Variants in FRS2 observed in about 807,000 individuals in gnomAD.
FRS2 encodes the protein fibroblast growth factor receptor substrate 2.
Under a neutral mutation model 43.9 loss-of-function variants are expected in FRS2, and 8 were observed. That is an observed-to-expected ratio of 0.18 (90% CI 0.11 to 0.33). FRS2 has a LOEUF of 0.33. FRS2 is among the 10% of genes least tolerant of loss of function. FRS2 has a pLI of 1.00. For missense variants in FRS2, 534 were observed against 627.6 expected, an observed-to-expected ratio of 0.85 and a Z score of 1.59; for synonymous variants, 219 against 220.3, an observed-to-expected ratio of 0.99 and a Z score of 0.05.
At position 69,531,175 on chromosome 12, in the gene FRS2, T is replaced by C. The variant is rs562945098; in HGVS notation, c.-165+215T>C. 5.3e-5 allele frequency among the ~76,000 whole-genome samples: 8 copies of C among 152,024 alleles called. No homozygotes were observed. The East Asian group carries it at 1.6e-3, about 30-fold the overall frequency. Reference sequence around the variant, plus strand: ...TGAAACCCTGTCTCTGCTAAAAATATAAAAATTAGCCAGGGATGTTGGCAC... The same window carrying C: ...TGAAACCCTGTCTCTGCTAAAAATACAAAAATTAGCCAGGGATGTTGGCAC... On this transcript the variant is annotated intron_variant, in intron 2 of 8. Coordinates refer to ENST00000549921, the MANE Select transcript of FRS2 (RefSeq NM_001278356.2).
At chr12:69,537,159 C>A (rs1008062438) in intron 3 of FRS2, among the ~76,000 whole-genome samples, 5 of 152,166 alleles carry the variant, frequency 3.3e-5, no homozygotes, top group Admixed American at 2.0e-4. Flanking sequence ...GTCCTCCTCC[C>A]AACCTGTAAC....
At chr12:69,486,505 G>T (rs1871963737) in intron 1 of FRS2, among the ~76,000 whole-genome samples, 1 of 152,036 alleles carries the variant, frequency 6.6e-6, no homozygotes, top group Admixed American at 6.6e-5. Context: ...TATTTCCTGA[G>T]ACCCTAAATA....
chr12:69,518,140 T>C (rs1416782794), intron 1 of FRS2, among the ~76,000 whole-genome samples: 1 of 152,256 alleles, frequency 6.6e-6, no homozygotes, highest in East Asian at 1.9e-4. Flanking sequence ...GTATAGCTTG[T>C]CTTGAGTGCT....
At chr12:69,505,255 C>G (rs1044725452) in intron 1 of FRS2, among the ~76,000 whole-genome samples, 1 of 152,132 alleles carries the variant, frequency 6.6e-6, no homozygotes, top group Non-Finnish European at 1.5e-5. Context: ...TGTGAACTTT[C>G]TTTTGTAGTA....
Position 69,574,564 on chromosome 12 carries a change from T to C in FRS2, c.1136T>C (p.Leu379Pro). 1 of 1,614,136 alleles carries C rather than the reference T, an allele frequency of 6.2e-7. No individual in the cohort carries two copies. The highest frequency in any genetic ancestry group is 8.5e-7 in the Non-Finnish European group (1 of 1,180,004). The change falls in exon 9 of 9, where the codon CTA (leucine) becomes CCA (proline). Residue 379 changes from leucine (L) to proline (P), a missense_variant. Leu to Pro is a moderately conservative substitution (Grantham distance 98). Coordinates refer to ENST00000549921, the MANE Select transcript of FRS2 (RefSeq NM_001278356.2). The part of the protein sequence containing the change: ...DDNLGPKTPS[L>P]NGYHNNLDPM... Reference sequence around the variant, plus strand: ...AATTTAGGACCAAAGACCCCATCTCTAAATGGCTACCATAATAATCTAGAT... The same window carrying C: ...AATTTAGGACCAAAGACCCCATCTCCAAATGGCTACCATAATAATCTAGAT...
At chr12:69,515,704 C>T (rs1874934290) in intron 1 of FRS2, among the ~76,000 whole-genome samples, 1 of 151,728 alleles carries the variant, frequency 6.6e-6, no homozygotes, top group South Asian at 2.1e-4. Flanking sequence ...TCTTTTGTTC[C>T]CTCTAATGGT....
chr12:69,545,049 T>A (rs1379814358), intron 3 of FRS2, among the ~76,000 whole-genome samples: 1 of 152,008 alleles, frequency 6.6e-6, no homozygotes, highest in Non-Finnish European at 1.5e-5. Flanking sequence ...AGAAAACAAT[T>A]TCATTTACAA....
chr12:69,536,858 C>T (rs368851368), intron 3 of FRS2, among the ~76,000 whole-genome samples: 114 of 152,186 alleles, frequency 7.5e-4, no homozygotes, highest in African/African-American at 2.0e-3. Flanking sequence ...TGTAAGCCAC[C>T]GTGCCCAGCT....
At chr12:69,481,987 G>A (rs1452528432) in intron 1 of FRS2, among the ~76,000 whole-genome samples, 1 of 146,440 alleles carries the variant, frequency 6.8e-6, no homozygotes, top group Non-Finnish European at 1.5e-5. Context: ...GTACCTTAGT[G>A]TTTTATGGTT....
chr12:69,546,275 G>A (rs1427014791), intron 3 of FRS2, among the ~76,000 whole-genome samples: 1 of 148,442 alleles, frequency 6.7e-6, no homozygotes, highest in Non-Finnish European at 1.5e-5. Context: ...TTTTTTTTTT[G>A]GAGACAGAGT....
At chr12:69,502,509 T>C (rs918070026) in intron 1 of FRS2, among the ~76,000 whole-genome samples, 2 of 152,194 alleles carry the variant, frequency 1.3e-5, no homozygotes, top group East Asian at 1.9e-4. Flanking sequence ...GCTGGAATTA[T>C]AGGTGTGAGT....
intron 3 of FRS2, among the ~76,000 whole-genome samples, chr12:69,539,348 T>G (rs1352888540): frequency 6.6e-6 from 1 of 152,132 alleles, no homozygotes; most frequent in Non-Finnish European, 1.5e-5. Context: ...GTGCTGGGAT[T>G]ACAGGTGTGA....
rs3202 is a variant in FRS2, at chr12:69,579,567, T to C, written c.*4612T>C. ...TGGTTTAATATTAGATGACTTTGGATTTTGCAATGCCTTACTGTTGTCATT... is the reference window on the plus strand; with the variant it reads ...TGGTTTAATATTAGATGACTTTGGACTTTGCAATGCCTTACTGTTGTCATT... On this transcript the variant is annotated 3_prime_UTR_variant, in exon 9 of 9. Transcript: ENST00000549921. The C allele has an allele frequency of 0.055, 8,397 of 152,528 alleles. 584 individuals carry two copies. The highest frequency in any genetic ancestry group is 0.38 in the East Asian group (1,961 of 5,176). The allele number at this position is 152,528 out of a possible 1,614,324, so 9.4% of individuals were successfully genotyped here. A position where few individuals can be genotyped will look rare whatever the true frequency, so the allele number is the denominator to read the frequency against.
At chr12:69,507,720 A>G (rs1400063765) in intron 1 of FRS2, among the ~76,000 whole-genome samples, 1 of 152,122 alleles carries the variant, frequency 6.6e-6, no homozygotes, top group Non-Finnish European at 1.5e-5. Context: ...TTGTGCCCCT[A>G]AGTATGGTAC....
intron 1 of FRS2, among the ~76,000 whole-genome samples, chr12:69,494,918 CG>C (rs1872748299): frequency 6.6e-6 from 1 of 152,048 alleles, no homozygotes; most frequent in Admixed American, 6.6e-5. Flanking sequence ...GGATTATAGA[CG>C]CCCACCATCA....
At chr12:69,561,615 T>C (rs1020731386) in intron 3 of FRS2, among the ~76,000 whole-genome samples, 2 of 152,222 alleles carry the variant, frequency 1.3e-5, no homozygotes, top group African/African-American at 4.8e-5. Flanking sequence ...ATGTCACTGT[T>C]CTGTGATTCT....
Position 69,537,799 on chromosome 12 carries a change from C to G in FRS2, c.-122+5743C>G, listed in dbSNP as rs565344974. ...CTTTGAATAATGCCTCTTATTTTCTCCTTCTATAACTCTAATTAGACATAT... is the reference window on the plus strand; with the variant it reads ...CTTTGAATAATGCCTCTTATTTTCTGCTTCTATAACTCTAATTAGACATAT... On this transcript the variant is annotated intron_variant, in intron 3 of 8. Coordinates refer to ENST00000549921, the MANE Select transcript of FRS2 (RefSeq NM_001278356.2). 10 of 152,504 alleles carry G rather than the reference C, an allele frequency of 6.6e-5. No individual in the cohort carries two copies. In the East Asian group the frequency reaches 1.4e-3, roughly 21 times the overall value. 9.4% of individuals were successfully genotyped at this position (152,504 alleles called of 1,614,324 possible).
intron 1 of FRS2, among the ~76,000 whole-genome samples, chr12:69,479,787 TTTTA>T (rs1346024936): frequency 2.6e-5 from 4 of 152,208 alleles, no homozygotes; most frequent in Non-Finnish European, 5.9e-5. Context: ...GTTGATTTCT[TTTTA>T]TTTATCGTGC....
chr12:69,476,114 A>T (rs753522854), intron 1 of FRS2, among the ~76,000 whole-genome samples: 1 of 152,158 alleles, frequency 6.6e-6, no homozygotes, highest in Non-Finnish European at 1.5e-5. Context: ...GAGGGATTGG[A>T]GGAGACTATT....
Sources: gnomAD v4.1 joint callset for allele counts (sites outside exome capture counted in the v4.1 genomes callset) on GRCh38, gnomAD v4.1.1 for gene constraint, MANE v1.5 for transcripts, NCBI Gene and HGNC (gene_info 2026-07-23, HGNC 2026-07-21) for gene names.